The following HNRNPH1 variants were observed in gnomAD, a reference collection of about 807,000 sequenced individuals.
HNRNPH1 encodes the protein heterogeneous nuclear ribonucleoprotein H1.
Under a neutral mutation model 58.6 loss-of-function variants are expected in HNRNPH1, and 4 were observed. The ratio of observed to expected loss-of-function variants is 0.07; its 90% CI spans 0.03 to 0.16. The LOEUF is 0.16. Ranked by LOEUF, HNRNPH1 falls within the 10% of genes least tolerant of loss-of-function variation. HNRNPH1 has a pLI of 1.00. For synonymous variants in HNRNPH1, 192 were observed against 189.2 expected (o/e 1.01, Z -0.12); for missense variants, 271 against 564.2 (o/e 0.48, Z 5.26).
chr5:179,630,349 C>CA (rs1774727138), intron 2 of HNRNPH1, among the ~76,000 whole-genome samples: 2 of 149,830 alleles, frequency 1.3e-5, no homozygotes, highest in African/African-American at 2.5e-5. Flanking sequence ...AATTCTGTCT[C>CA]AAAAAAATAA....
At chr5:179,616,084 T>G in intron 11 of HNRNPH1, 42 bp downstream of exon 12, 1 of 1,491,934 alleles carries the variant, frequency 6.7e-7, no homozygotes, top group Non-Finnish European at 9.4e-7. Flanking sequence ...TGAACAGGCT[T>G]TACCATAACT....
At chr5:179,621,872 A>G (rs1222206785) in intron 1 of HNRNPH1, 1 of 451,866 alleles carries the variant, frequency 2.2e-6, no homozygotes, top group Non-Finnish European at 4.4e-6. Flanking sequence ...ACCAAGCTAA[A>G]ATGCTCCAAG....
chr5:179,620,112 A>G (rs1411365439), intron 3 of HNRNPH1: 2 of 152,200 alleles, frequency 1.3e-5, no homozygotes, highest in African/African-American at 2.4e-5. Context: ...TCAAAACAAA[A>G]CAGACTTGAT....
exon 1 of HNRNPH1, chr5:179,623,194 G>A (rs1012409859): frequency 2.4e-5 from 30 of 1,264,256 alleles, no homozygotes; most frequent in African/African-American, 9.0e-5. Context: ...AGAACTGAGA[G>A]CGCCAATTAA....
chr5:179,621,381 A>G, exon 2 of HNRNPH1: 1 of 1,613,090 alleles, frequency 6.2e-7, no homozygotes, highest in Non-Finnish European at 8.5e-7. Flanking sequence ...CTTGAGCCCC[A>G]TTTTGAATTT....
chr5:179,628,543 C>T (rs1188367659), upstream of HNRNPH1, among the ~76,000 whole-genome samples: 2 of 151,832 alleles, frequency 1.3e-5, no homozygotes, highest in Non-Finnish European at 2.9e-5. Flanking sequence ...TAGTAGAGAC[C>T]GGGTTTTGCC....
chr5:179,619,249 A>G lies in HNRNPH1; in HGVS notation c.536+20T>C. On this transcript the variant is annotated intron_variant, in intron 4 of 12. Transcript: ENST00000356731. ...TTACCATAAGAAAAGTGACATATCCAACCAACCATCCATCCCCACCTGTGC... is the reference window on the plus strand; with the variant it reads ...TTACCATAAGAAAAGTGACATATCCGACCAACCATCCATCCCCACCTGTGC... 6.3e-7 allele frequency: 1 copy of G among 1,588,646 alleles called. No homozygotes were observed. Among genetic ancestry groups the G allele is most frequent in the Non-Finnish European group, 8.6e-7 (1 of 1,165,052 alleles).
chr5:179,616,835 CG>C (rs1562226085), intron 10 of HNRNPH1, 33 bp downstream of exon 11: 2 of 1,531,506 alleles, frequency 1.3e-6, no homozygotes, highest in Admixed American at 3.4e-5. Context: ...CAGATATAAA[CG>C]TTTTGGTTTT....
upstream of HNRNPH1, among the ~76,000 whole-genome samples, chr5:179,626,807 G>A (rs1774442561): frequency 2.1e-5 from 3 of 139,860 alleles, no homozygotes; most frequent in East Asian, 2.1e-4. Context: ...ACGGAGTCTC[G>A]CTCTGTCGCC....
chr5:179,616,787 T>TA (rs1184148635), intron 10 of HNRNPH1, 82 bp downstream of exon 11: 15 of 1,214,892 alleles, frequency 1.2e-5, no homozygotes, highest in Non-Finnish European at 1.8e-5. Context: ...CTAAACTTAT[T>TA]AAATAAATAG....
intron 10 of HNRNPH1, chr5:179,616,523 C>G: frequency 1.9e-6 from 1 of 514,502 alleles, no homozygotes; most frequent in South Asian, 2.4e-5. Context: ...TAGTGGGTTC[C>G]CCCTCAGTTT....
In HNRNPH1 at chr5:179,620,878, A is replaced by T. The variant is rs77085994; in HGVS notation, c.397+14T>A. The T allele has an allele frequency of 1.2e-6, 2 of 1,613,112 alleles. No individual in the cohort carries two copies. The highest frequency in any genetic ancestry group is 3.3e-5 in the Admixed American group (2 of 59,910). On this transcript the variant is annotated intron_variant, in intron 3 of 12. Transcript: ENST00000356731. ...GCCAAAACTCACTGCTCAGCAACAA[A>T]CATGACTACATACCTGAGAAGAACT...
At chr5:179,615,209 A>C in intron 12 of HNRNPH1, 1 of 439,566 alleles carries the variant, frequency 2.3e-6, no homozygotes, top group Non-Finnish European at 4.1e-6. Flanking sequence ...AACATGAAAA[A>C]TTAAGTTTAA....
chr5:179,614,845 A>G (rs1360723776), exon 13 of HNRNPH1: 2 of 1,471,546 alleles, frequency 1.4e-6, no homozygotes, highest in Non-Finnish European at 1.9e-6. Flanking sequence ...GATCAATTAC[A>G]TTCCCCATCC....
chr5:179,616,716 T>C (rs1769908184), intron 10 of HNRNPH1, 153 bp downstream of exon 11: 3 of 674,150 alleles, frequency 4.5e-6, no homozygotes, highest in Non-Finnish European at 7.6e-6. Flanking sequence ...CTCACAAGGA[T>C]TTAAGTAAGC....
chr5:179,615,931 C>G (rs1769336704), intron 11 of HNRNPH1, 195 bp downstream of exon 12: 1 of 543,408 alleles, frequency 1.8e-6, no homozygotes, highest in African/African-American at 1.9e-5. Flanking sequence ...CTAGTAAAAA[C>G]AGTTACATTT....
chr5:179,618,209 T>C (rs1770711415), exon 5 of HNRNPH1: 3 of 1,614,060 alleles, frequency 1.9e-6, no homozygotes, highest in Non-Finnish European at 2.5e-6. Flanking sequence ...TGTTATACCC[T>C]CTACCAGCCC....
chr5:179,619,230 T>C (rs1771190069), intron 4 of HNRNPH1, 39 bp downstream of exon 5: 1 of 1,536,666 alleles, frequency 6.5e-7, no homozygotes, highest in Non-Finnish European at 8.9e-7. Flanking sequence ...TTGTTTACCA[T>C]AAGAAAAGTG....
In HNRNPH1 at chr5:179,631,516, C is replaced by T. The variant is rs888788109; in HGVS notation, c.-32+2549G>A. Reference sequence around the variant, plus strand: ...ATCCTAGCACTTTGGGAGGCCGAGGCAGGCAAATTACCTGAGGTCGGGAGT... The same window carrying T: ...ATCCTAGCACTTTGGGAGGCCGAGGTAGGCAAATTACCTGAGGTCGGGAGT... On this transcript the variant is annotated intron_variant, in intron 2 of 4. Transcript: ENST00000521116. Among the ~76,000 whole-genome samples the T allele has an allele frequency of 3.3e-5, 5 of 152,118 alleles. 1 individual carries two copies. Among genetic ancestry groups the T allele is most frequent in the Middle Eastern group, 3.4e-3 (1 of 294 alleles).
Sources: allele counts gnomAD v4.1 joint callset (sites outside exome capture counted in the v4.1 genomes callset), GRCh38; gene constraint gnomAD v4.1.1; transcripts MANE v1.5; gene names NCBI Gene and HGNC (gene_info 2026-07-23, HGNC 2026-07-21).